The following HS6ST2 variants were observed in gnomAD, a reference collection of about 807,000 sequenced individuals.
HS6ST2 encodes the protein heparan sulfate 6-O-sulfotransferase 2, also known as heparan-sulfate 6-O-sulfotransferase 2.
HS6ST2 carries 17 observed loss-of-function variants against 33.0 expected under a neutral mutation model. The observed-to-expected ratio is 0.52, with a 90% CI of 0.35 to 0.77. The LOEUF (loss-of-function observed/expected upper bound fraction) is 0.77. HS6ST2 is among the 30% of genes least tolerant of loss of function. HS6ST2 has a pLI of 0.01. For synonymous variants in HS6ST2, 248 were observed against 237.1 expected (o/e 1.05, Z -0.42); for missense variants, 519 against 551.7 (o/e 0.94, Z 0.59).
At chrX:132,873,992 C>G (rs773274776) in intron 2 of HS6ST2, among the ~76,000 whole-genome samples, 1 of 111,446 alleles carries the variant, frequency 9.0e-6, no homozygotes, top group East Asian at 2.9e-4. Context: ...CTACACCTCT[C>G]TGCTTCTGAG....
chrX:132,684,942 C>T (rs1461529500), intron 3 of HS6ST2, among the ~76,000 whole-genome samples: 1 of 111,813 alleles, frequency 8.9e-6, no homozygotes, highest in Admixed American at 9.5e-5. Context: ...TTCCTGGGAA[C>T]AGGGCATTGG....
At chrX:132,692,176 T>C (rs2064070161) in intron 3 of HS6ST2, among the ~76,000 whole-genome samples, 1 of 111,566 alleles carries the variant, frequency 9.0e-6, no homozygotes, top group African/African-American at 3.3e-5. Flanking sequence ...GATTACAGTC[T>C]CCTACTGAGG....
intron 2 of HS6ST2, among the ~76,000 whole-genome samples, chrX:132,844,257 C>G (rs1156602548): frequency 1.8e-5 from 2 of 110,963 alleles, no homozygotes; most frequent in Non-Finnish European, 3.8e-5. Context: ...AGACACATAG[C>G]CTTTTCAGGG....
At chrX:132,853,706 G>C (rs2065826503) in intron 2 of HS6ST2, among the ~76,000 whole-genome samples, 1 of 110,776 alleles carries the variant, frequency 9.0e-6, no homozygotes, top group Non-Finnish European at 1.9e-5. Context: ...GCATGAAGCA[G>C]AAGCTCAAGA....
chrX:132,728,561 A>T (rs993604527), intron 2 of HS6ST2, among the ~76,000 whole-genome samples: 1 of 112,302 alleles, frequency 8.9e-6, no homozygotes, highest in Non-Finnish European at 1.9e-5. Context: ...CATAGATGGG[A>T]TTCACAGCAT....
chrX:132,808,887 A>G (rs1209177558), intron 2 of HS6ST2: 3 of 112,280 alleles, frequency 2.7e-5, no homozygotes, highest in African/African-American at 9.7e-5. Flanking sequence ...CATTAGTGCC[A>G]GTTACAACCA....
intron 2 of HS6ST2, among the ~76,000 whole-genome samples, chrX:132,894,161 G>A (rs1447009771): frequency 3.8e-5 from 4 of 105,038 alleles, no homozygotes; most frequent in Non-Finnish European, 5.9e-5. Context: ...TGGGGAGAGA[G>A]ACGAAGTTTT....
chrX:132,741,259 A>G (rs955814112), intron 2 of HS6ST2, among the ~76,000 whole-genome samples: 1 of 110,839 alleles, frequency 9.0e-6, no homozygotes, highest in Non-Finnish European at 1.9e-5. Context: ...CCCTAAAGGC[A>G]GCATGGTGTA....
chrX:132,865,130 C>A (rs1213451637), intron 2 of HS6ST2, among the ~76,000 whole-genome samples: 1 of 80,980 alleles, frequency 1.2e-5, no homozygotes, highest in African/African-American at 4.4e-5. Context: ...CTCCCCCCTC[C>A]CCCCACCCCA....
chrX:132,755,391 A>G (rs1413199224), intron 2 of HS6ST2, among the ~76,000 whole-genome samples: 1 of 112,065 alleles, frequency 8.9e-6, no homozygotes, highest in Non-Finnish European at 1.9e-5. Flanking sequence ...TTTCTGCCTC[A>G]GTCCTGGAAT....
intron 3 of HS6ST2, among the ~76,000 whole-genome samples, chrX:132,686,974 G>T (rs1292101597): frequency 9.0e-6 from 1 of 111,727 alleles, no homozygotes; most frequent in Non-Finnish European, 1.9e-5. Context: ...GGAATTCTAG[G>T]ACACTCCAAT....
intron 4 of HS6ST2, among the ~76,000 whole-genome samples, chrX:132,637,815 T>A (rs1322911703): frequency 1.5e-5 from 1 of 65,021 alleles, no homozygotes; most frequent in African/African-American, 6.9e-5. Context: ...TATATTATTT[T>A]ATATATATAA....
chrX:132,787,797 C>T (rs1381438252), intron 2 of HS6ST2, among the ~76,000 whole-genome samples: 4 of 107,159 alleles, frequency 3.7e-5, no homozygotes, highest in East Asian at 3.1e-4. Context: ...AGGCTGAGGC[C>T]GGAGAATCAC....
At chrX:132,958,103 G>A in intron 1 of HS6ST2, 72 bp downstream of exon 1, 2 of 993,272 alleles carry the variant, frequency 2.0e-6, no homozygotes, top group African/African-American at 1.9e-5. Context: ...CCCCGCGGCT[G>A]CCTTCCCTCC....
At chrX:132,728,663 A>G (rs1234517035) in intron 2 of HS6ST2, among the ~76,000 whole-genome samples, 1 of 112,147 alleles carries the variant, frequency 8.9e-6, no homozygotes, top group Non-Finnish European at 1.9e-5. Flanking sequence ...AAGGAATAAC[A>G]TGAAATCAAT....
At chrX:132,806,469 T>C (rs1408130854) in intron 2 of HS6ST2, among the ~76,000 whole-genome samples, 1 of 110,314 alleles carries the variant, frequency 9.1e-6, no homozygotes, top group Non-Finnish European at 1.9e-5. Flanking sequence ...AAATAATTCC[T>C]GAACTATCTA....
chrX:132,670,109 T>G (rs749923444), intron 3 of HS6ST2, among the ~76,000 whole-genome samples: 40 of 111,574 alleles, frequency 3.6e-4, no homozygotes, highest in African/African-American at 4.3e-4. Flanking sequence ...TTTTTTTTTT[T>G]TTGTTAGTAA....
chrX:132,746,131 T>C (rs751969951), intron 2 of HS6ST2, among the ~76,000 whole-genome samples: 9 of 111,518 alleles, frequency 8.1e-5, no homozygotes, highest in African/African-American at 2.9e-4. Flanking sequence ...GGAATATCTT[T>C]GCATGTAAAC....
rs1276079845 is a variant in HS6ST2, at chrX:132,628,853, G to A, written c.1308C>T (p.Asp436=). 1.7e-6 allele frequency: 2 copies of A among 1,211,768 alleles called. No homozygotes were observed. The highest frequency in any genetic ancestry group is 2.2e-6 in the Non-Finnish European group (2 of 895,468). ...GGTTGTAGCAGCCTACCAGGGTCAG[G>A]TCGGAGAGCATGCGCACCTGGCGGT... The part of the protein sequence containing the change: ...ANNRQVRMLS[D]LTLVGCYNLS... The change falls in exon 5 of 5, where the codon GAC becomes GAT. Residue 436 remains aspartate (D), a synonymous_variant. Coordinates refer to ENST00000370833, the MANE Select transcript of HS6ST2 (RefSeq NM_001394073.1).
Sources: allele counts gnomAD v4.1 joint callset (sites outside exome capture counted in the v4.1 genomes callset), GRCh38; gene constraint gnomAD v4.1.1; transcripts MANE v1.5; gene names NCBI Gene and HGNC (gene_info 2026-07-23, HGNC 2026-07-21).